Variants in NFILZ observed in about 807,000 individuals in gnomAD.
NFILZ encodes NFIL3 like basic leucine zipper.
chr19:8,638,608 G>C (rs1555746338), intron 3 of NFILZ: 2 of 152,194 alleles, frequency 1.3e-5, no homozygotes, highest in African/African-American at 4.8e-5. Context: ...TGCCTGCCCT[G>C]GTGGGCCAGG....
At chr19:8,646,063 C>G (rs1166318294) in intron 3 of NFILZ, among the ~76,000 whole-genome samples, 14 of 151,322 alleles carry the variant, frequency 9.3e-5, no homozygotes, top group Non-Finnish European at 1.8e-4. Flanking sequence ...GGGGGATGGA[C>G]TCTTGCTCTG....
chr19:8,634,009 T>C (rs2042883712), intron 2 of NFILZ, among the ~76,000 whole-genome samples: 1 of 151,200 alleles, frequency 6.6e-6, no homozygotes, highest in Non-Finnish European at 1.5e-5. Flanking sequence ...TGTTTCCTTT[T>C]TTTTTTGAGA....
Position 8,678,119 on chromosome 19 carries a change from A to T in NFILZ, c.*484A>T, listed in dbSNP as rs2043124478. 1.4e-5 allele frequency among the ~76,000 whole-genome samples: 2 copies of T among 138,494 alleles called. No homozygotes were observed. The highest frequency in any genetic ancestry group is 1.6e-5 in the Non-Finnish European group (1 of 63,328). The allele number at this position is 138,494 out of a possible 152,430, so 90.9% of individuals were successfully genotyped here. A position where few individuals can be genotyped will look rare whatever the true frequency, so the allele number is the denominator to read the frequency against. On this transcript the variant is annotated 3_prime_UTR_variant, in exon 6 of 6. Transcript: ENST00000691075. ...CATCCATCCATCCATCCATCCATCC[A>T]TCCATCCCTCCATCCATTCATCCAC...
Position 8,656,443 on chromosome 19 carries a change from CTCGAAGCCCACCTTCTCT to C in NFILZ, c.-163-18107_-163-18090del, listed in dbSNP as rs1376605843. Among the ~76,000 whole-genome samples the C allele has an allele frequency of 5.8e-3, 545 of 93,640 alleles. 12 individuals carry two copies. The highest frequency in any genetic ancestry group is 0.018 in the African/African-American group (395 of 21,960). The allele number at this position is 93,640 out of a possible 152,430, so 61.4% of individuals were successfully genotyped here. On this transcript the variant is annotated intron_variant, in intron 3 of 5. Coordinates refer to ENST00000691075, the MANE Select transcript of NFILZ (RefSeq NM_001378600.1). ...ACCTCTTTCCGCAGCCCACCTTCTCCTCGAAGCCCACCTTCTCTCTGAAGCCCACCTTCTCCCGCAGCC... is the reference window on the plus strand; with the variant it reads ...ACCTCTTTCCGCAGCCCACCTTCTCCCTGAAGCCCACCTTCTCCCGCAGCC...
intron 3 of NFILZ, among the ~76,000 whole-genome samples, chr19:8,646,703 C>T (rs1187158251): frequency 5.9e-5 from 9 of 152,206 alleles, no homozygotes; most frequent in Non-Finnish European, 1.2e-4. Context: ...CTGCTGTCCC[C>T]ACGTCACTCA....
chr19:8,675,301 T>A (rs1297761360), intron 4 of NFILZ, among the ~76,000 whole-genome samples: 1 of 152,178 alleles, frequency 6.6e-6, no homozygotes, highest in Non-Finnish European at 1.5e-5. Context: ...CTGTTTTGTA[T>A]CTGAATCACA....
At chr19:8,659,247 C>CA (rs782154680) in intron 3 of NFILZ, among the ~76,000 whole-genome samples, 113 of 141,542 alleles carry the variant, frequency 8.0e-4, no homozygotes, top group East Asian at 1.6e-3. Context: ...GACTCCATCT[C>CA]AAAAAAAAAA....
At chr19:8,638,300 A>G (rs186626339) in intron 3 of NFILZ, among the ~76,000 whole-genome samples, 2 of 152,182 alleles carry the variant, frequency 1.3e-5, no homozygotes, top group Non-Finnish European at 2.9e-5. Flanking sequence ...TGCGTTCATG[A>G]GTGTGCACGT....
At chr19:8,639,738 T>C (rs147624877) in intron 3 of NFILZ, among the ~76,000 whole-genome samples, 15 of 152,296 alleles carry the variant, frequency 9.8e-5, no homozygotes, top group African/African-American at 3.6e-4. Context: ...TGAATTAATA[T>C]GTGTAAAGTG....
At chr19:8,655,562 C>G (rs1430148009) in intron 3 of NFILZ, among the ~76,000 whole-genome samples, 12 of 152,156 alleles carry the variant, frequency 7.9e-5, no homozygotes, top group South Asian at 2.1e-4. Flanking sequence ...CTACCTCCAC[C>G]GCGGGAGGTT....
At chr19:8,653,292 T>G (rs111326801) in intron 3 of NFILZ, among the ~76,000 whole-genome samples, 146,087 of 151,940 alleles carry the variant, frequency 0.96, 70,432 homozygotes, top group Non-Finnish European at 1. Flanking sequence ...TGTTGGCCAG[T>G]CTGGCCTCGA....
intron 3 of NFILZ, among the ~76,000 whole-genome samples, chr19:8,653,256 T>C (rs1555747982): frequency 6.6e-6 from 1 of 151,916 alleles, no homozygotes; most frequent in African/African-American, 2.4e-5. Context: ...AATTTTTGCA[T>C]CTTTAGTAGA....
intron 4 of NFILZ, among the ~76,000 whole-genome samples, chr19:8,676,085 T>A (rs2043108902): frequency 6.6e-6 from 1 of 152,066 alleles, no homozygotes; most frequent in South Asian, 2.1e-4. Context: ...TTTGAGTGAA[T>A]GGATGGTGAG....
chr19:8,656,451 C>G (rs112470037), intron 3 of NFILZ, among the ~76,000 whole-genome samples: 1 of 102,396 alleles, frequency 9.8e-6, no homozygotes, highest in African/African-American at 3.6e-5. Flanking sequence ...TCCTCGAAGC[C>G]CACCTTCTCT....
At chr19:8,667,839 C>A (rs775149057) in intron 3 of NFILZ, among the ~76,000 whole-genome samples, 2 of 152,192 alleles carry the variant, frequency 1.3e-5, no homozygotes, top group Non-Finnish European at 2.9e-5. Flanking sequence ...AGCCACAGTG[C>A]CCTGCCCTCC....
chr19:8,662,945 T>C (rs1424707794), intron 3 of NFILZ, among the ~76,000 whole-genome samples: 1 of 148,252 alleles, frequency 6.7e-6, no homozygotes, highest in Non-Finnish European at 1.5e-5. Context: ...TTTCTTTTTC[T>C]TTTTCCTTTT....
At chr19:8,649,058 G>A (rs782427368) in intron 3 of NFILZ, among the ~76,000 whole-genome samples, 3 of 151,856 alleles carry the variant, frequency 2.0e-5, no homozygotes, top group Non-Finnish European at 4.4e-5. Flanking sequence ...AGACTCCTGG[G>A]CTCAAGTGAT....
intron 3 of NFILZ, among the ~76,000 whole-genome samples, chr19:8,645,193 GTGCAATCA>G (rs2042933983): frequency 1.3e-5 from 2 of 151,766 alleles, no homozygotes; most frequent in Admixed American, 1.3e-4. Context: ...GAGTGCAGTG[GTGCAATCA>G]TAGCTCACTG....
At chr19:8,656,499 C>A (rs7508271) in intron 3 of NFILZ, among the ~76,000 whole-genome samples, 4,742 of 31,576 alleles carry the variant, frequency 0.15, 480 homozygotes, top group East Asian at 0.17. Flanking sequence ...CCTTCTCCCG[C>A]AGCCCACCTT....
Sources: gnomAD v4.1 joint callset for allele counts (sites outside exome capture counted in the v4.1 genomes callset) on GRCh38, gnomAD v4.1.1 for gene constraint, MANE v1.5 for transcripts, NCBI Gene and HGNC (gene_info 2026-07-23, HGNC 2026-07-21) for gene names.